The following INTS4 variants were observed in gnomAD, a reference collection of about 807,000 sequenced individuals.
INTS4 encodes the protein integrator complex subunit 4, also known as MSTP093.
A neutral mutation model predicts 119.5 loss-of-function variants in INTS4; 70 were observed. The observed-to-expected ratio is 0.59, with a 90% CI of 0.48 to 0.71. INTS4 has a LOEUF of 0.71. INTS4 is among the 30% of genes least tolerant of loss of function. The pLI is 0.00. For missense variants in INTS4, 867 were observed against 1,173.2 expected, an observed-to-expected ratio of 0.74 and a Z score of 3.81; for synonymous variants, 316 against 419.6, an observed-to-expected ratio of 0.75 and a Z score of 3.02.
chr11:77,874,746 CAA>C (rs929684107), downstream of INTS4, among the ~76,000 whole-genome samples: 10 of 152,082 alleles, frequency 6.6e-5, no homozygotes, highest in Non-Finnish European at 1.5e-4. Context: ...GTGGTTAAGA[CAA>C]GAAGTTGGCC....
intron 15 of INTS4, among the ~76,000 whole-genome samples, chr11:77,917,497 AG>A (rs1395898665): frequency 6.6e-6 from 1 of 151,708 alleles, no homozygotes; most frequent in African/African-American, 2.4e-5. Flanking sequence ...TATTTTTAGT[AG>A]AGATGGGGTT....
intron 4 of INTS4, among the ~76,000 whole-genome samples, chr11:77,963,202 A>G (rs1330410058): frequency 6.6e-6 from 1 of 152,062 alleles, no homozygotes; most frequent in East Asian, 1.9e-4. Context: ...GTATTACTGC[A>G]CACTGAATCT....
At position 77,963,352 on chromosome 11, in the gene INTS4, C is replaced by CAAAAAAAAAAAAA. The variant is rs777966254; in HGVS notation, c.472-2227_472-2215dup. ...CCGGGCGCAGAACGAGACTCCGTCTCAAAAAAAAAAAAAAAAAAAAAACAA... is the reference window on the plus strand; with the variant it reads ...CCGGGCGCAGAACGAGACTCCGTCTCAAAAAAAAAAAAAAAAAAAAAAAAAAAAAAAAAAACAA... On this transcript the variant is annotated intron_variant, in intron 4 of 22. Coordinates refer to ENST00000534064, the MANE Select transcript of INTS4 (RefSeq NM_033547.4). The CAAAAAAAAAAAAA allele has an allele frequency of 1.8e-3, 314 of 177,260 alleles. 8 individuals carry two copies. The highest frequency in any genetic ancestry group is 3.3e-3 in the South Asian group (83 of 25,416). 11.0% of individuals were successfully genotyped at this position (177,260 alleles called of 1,614,324 possible). A position where few individuals can be genotyped will look rare whatever the true frequency, so the allele number is the denominator to read the frequency against.
chr11:77,986,769 T>C (rs1565293511), intron 2 of INTS4, among the ~76,000 whole-genome samples: 1 of 147,736 alleles, frequency 6.8e-6, no homozygotes, highest in Non-Finnish European at 1.5e-5. Flanking sequence ...TTCTCACTCA[T>C]AGGTGGGAAT....
rs947267870 is a variant in INTS4, at chr11:77,956,174, C to T, written c.798-112G>A. 432 of 1,256,406 alleles carry T rather than the reference C, an allele frequency of 3.4e-4. 1 individual carries two copies. Among genetic ancestry groups the T allele is most frequent in the Non-Finnish European group, 4.4e-4 (404 of 915,084 alleles). The allele number at this position is 1,256,406 out of a possible 1,614,324, so 77.8% of individuals were successfully genotyped here. On this transcript the variant is annotated intron_variant, in intron 7 of 22. Transcript: ENST00000534064. ...CTATAATCCCAACACTTTGGGAGGC[C>T]CAGGCAGGTAGATTGCTTGAGCCCA...
At chr11:77,925,529 A>C (rs1351031229) in intron 11 of INTS4, among the ~76,000 whole-genome samples, 1 of 152,244 alleles carries the variant, frequency 6.6e-6, no homozygotes, top group Non-Finnish European at 1.5e-5. Context: ...GTATACCTGT[A>C]TGTGTTAAAT....
chr11:77,992,044 G>A (rs867022425), intron 1 of INTS4, among the ~76,000 whole-genome samples: 7 of 151,878 alleles, frequency 4.6e-5, no homozygotes, highest in African/African-American at 1.5e-4. Flanking sequence ...GGCTGGTTTC[G>A]AACTTCTGGC....
intron 8 of INTS4, among the ~76,000 whole-genome samples, chr11:77,947,525 A>C (rs970218852): frequency 6.6e-6 from 1 of 152,234 alleles, no homozygotes; most frequent in Non-Finnish European, 1.5e-5. Flanking sequence ...AGCTAGAAAC[A>C]AAAGGACAAT....
At chr11:77,916,147 T>C (rs2136469011) in intron 15 of INTS4, among the ~76,000 whole-genome samples, 1 of 152,350 alleles carries the variant, frequency 6.6e-6, no homozygotes, top group Admixed American at 6.5e-5. Flanking sequence ...GCCTCTTTTG[T>C]TTTCTGCAAA....
chr11:77,926,811 CA>C (rs61446262), intron 11 of INTS4, among the ~76,000 whole-genome samples: 70,671 of 102,972 alleles, frequency 0.69, 20,998 homozygotes, highest in African/African-American at 0.77. Context: ...GACTCAGCCT[CA>C]AAAAAAAAAA....
At chr11:77,883,687 G>T in intron 22 of INTS4, 145 bp downstream of exon 22, 1 of 802,364 alleles carries the variant, frequency 1.2e-6, no homozygotes, top group Non-Finnish European at 1.9e-6. Flanking sequence ...CCCACTTAAT[G>T]AGTGCTTATA....
intron 18 of INTS4, chr11:77,900,462 G>A: frequency 1.8e-6 from 1 of 554,826 alleles, no homozygotes; most frequent in Non-Finnish European, 3.2e-6. Flanking sequence ...CAAGATACGT[G>A]AAGAAATAAA....
At chr11:77,915,581 T>C (rs148531992) in intron 15 of INTS4, among the ~76,000 whole-genome samples, 8 of 152,128 alleles carry the variant, frequency 5.3e-5, no homozygotes, top group Admixed American at 1.3e-4. Flanking sequence ...CAACTTTTTA[T>C]TGGATTACTA....
chr11:77,884,615 G>A (rs1238924911), intron 21 of INTS4, among the ~76,000 whole-genome samples: 1 of 152,224 alleles, frequency 6.6e-6, no homozygotes, highest in African/African-American at 2.4e-5. Flanking sequence ...TATGAAGGCA[G>A]AGTAGGGAAC....
intron 4 of INTS4, among the ~76,000 whole-genome samples, chr11:77,964,931 A>AT (rs1211734636): frequency 6.6e-6 from 1 of 152,220 alleles, no homozygotes; most frequent in Non-Finnish European, 1.5e-5. Flanking sequence ...TATTATAGTC[A>AT]TAGTTATATA....
intron 8 of INTS4, among the ~76,000 whole-genome samples, chr11:77,946,069 G>C (rs1318168617): frequency 6.6e-6 from 1 of 152,224 alleles, no homozygotes; most frequent in African/African-American, 2.4e-5. Context: ...CTGCCTCCCT[G>C]GAAAACCAGA....
intron 4 of INTS4, among the ~76,000 whole-genome samples, chr11:77,965,629 T>G (rs1258560871): frequency 6.6e-6 from 1 of 152,240 alleles, no homozygotes; most frequent in African/African-American, 2.4e-5. Flanking sequence ...GTCTTCAAGG[T>G]TCATACATGT....
chr11:77,887,353 C>T (rs1272125607), intron 21 of INTS4, among the ~76,000 whole-genome samples: 1 of 152,138 alleles, frequency 6.6e-6, no homozygotes, highest in Admixed American at 6.6e-5. Flanking sequence ...GCAGAAAAGG[C>T]CTTTGACAAA....
Position 77,968,708 on chromosome 11 carries a change from T to G in INTS4, c.472-7570A>C, listed in dbSNP as rs550596084. 3.4e-3 allele frequency among the ~76,000 whole-genome samples: 524 copies of G among 152,366 alleles called. 2 individuals are homozygous for G. Among genetic ancestry groups the G allele is most frequent in the African/African-American group, 0.012 (497 of 41,602 alleles). ...AAAACTTAAACACTTAATTACCATA[T>G]GACCCCAAAATTCCTCTCCTTAGTA... On this transcript the variant is annotated intron_variant, in intron 4 of 22. Transcript: ENST00000534064.
Sources: allele counts gnomAD v4.1 joint callset (sites outside exome capture counted in the v4.1 genomes callset), GRCh38; gene constraint gnomAD v4.1.1; transcripts MANE v1.5; gene names NCBI Gene and HGNC (gene_info 2026-07-23, HGNC 2026-07-21).